COL24A1: variants seen among roughly 807,000 people sequenced by gnomAD.
COL24A1 encodes the protein collagen alpha-1(XXIV) chain.
In COL24A1, 224 loss-of-function variants were observed where a neutral mutation model predicts 253.9. That is an observed-to-expected ratio of 0.88 (90% CI 0.79 to 0.99). COL24A1 has a LOEUF of 0.99. Among genes scored for constraint, COL24A1 ranks in the 50% least tolerant of loss-of-function variants. The pLI is 0.00. For synonymous variants in COL24A1, 685 were observed against 673.7 expected, an observed-to-expected ratio of 1.02 and a Z score of -0.26; for missense variants, 2,131 against 2,068.5, an observed-to-expected ratio of 1.03 and a Z score of -0.59.
chr1:85,993,832 A>C (rs2100988278), intron 19 of COL24A1, among the ~76,000 whole-genome samples: 1 of 152,176 alleles, frequency 6.6e-6, no homozygotes, highest in East Asian at 1.9e-4. Flanking sequence ...CTTTAGAGAG[A>C]ATATATAATA....
intron 5 of COL24A1, among the ~76,000 whole-genome samples, chr1:86,105,953 C>T (rs1285241502): frequency 1.3e-5 from 2 of 152,186 alleles, no homozygotes; most frequent in African/African-American, 2.4e-5. Flanking sequence ...TTCCCTCTGT[C>T]CACTCTCAGT....
At chr1:85,762,590 A>C (rs1003546621) in intron 53 of COL24A1, among the ~76,000 whole-genome samples, 1 of 152,222 alleles carries the variant, frequency 6.6e-6, no homozygotes, top group South Asian at 2.1e-4. Context: ...TCATCCATTC[A>C]TTTAATTATC....
intron 47 of COL24A1, among the ~76,000 whole-genome samples, chr1:85,792,121 C>T (rs1280272002): frequency 6.6e-6 from 1 of 151,992 alleles, no homozygotes; most frequent in Non-Finnish European, 1.5e-5. Flanking sequence ...TTGCTTCCTG[C>T]AAATACTAAA....
At chr1:85,899,848 A>C (rs950719142) in intron 28 of COL24A1, among the ~76,000 whole-genome samples, 6 of 152,130 alleles carry the variant, frequency 3.9e-5, no homozygotes, top group African/African-American at 1.4e-4. Context: ...ACTTTTTAAG[A>C]TGAAGAAACT....
rs748759876 is a variant in COL24A1, at chr1:85,786,354, C to T, written c.4059G>A (p.Lys1353=). The T allele has an allele frequency of 6.2e-7, 1 of 1,613,280 alleles. No individual in the cohort carries two copies. The highest frequency in any genetic ancestry group is 8.5e-7 in the Non-Finnish European group (1 of 1,179,472). Residue 1353 remains lysine (K), a splice_region_variant and synonymous_variant, in exon 48 of 60, where the codon AAG becomes AAA. Transcript: ENST00000370571. ...LPGSPGIQGP[K]GEQGLPGQPG... ...CCATTGGAACAAAATATTAAAGTACCTTTGGGCCTTGAATTCCTGGGCTTC... is the reference window on the plus strand; with the variant it reads ...CCATTGGAACAAAATATTAAAGTACTTTTGGGCCTTGAATTCCTGGGCTTC...
intron 5 of COL24A1, among the ~76,000 whole-genome samples, chr1:86,096,735 C>T (rs968673686): frequency 6.6e-5 from 10 of 152,050 alleles, no homozygotes; most frequent in African/African-American, 9.7e-5. Context: ...GCCTAACAGC[C>T]GAATGTGACT....
intron 24 of COL24A1, among the ~76,000 whole-genome samples, chr1:85,941,263 G>A (rs1688731239): frequency 1.3e-5 from 2 of 151,926 alleles, no homozygotes; most frequent in African/African-American, 2.4e-5. Flanking sequence ...TGTTTTCTGA[G>A]GATTATATCT....
intron 5 of COL24A1, among the ~76,000 whole-genome samples, chr1:86,093,529 T>C (rs1703663840): frequency 6.6e-6 from 1 of 151,964 alleles, no homozygotes; most frequent in South Asian, 2.1e-4. Flanking sequence ...CCCAAAACTA[T>C]AAAAACCATG....
At chr1:85,869,426 A>C (rs1680165019) in intron 35 of COL24A1, among the ~76,000 whole-genome samples, 1 of 152,170 alleles carries the variant, frequency 6.6e-6, no homozygotes, top group South Asian at 2.1e-4. Flanking sequence ...AGAAGGAAAA[A>C]ATGTTAAGGG....
At chr1:85,878,376 C>T (rs988445425) in intron 32 of COL24A1, among the ~76,000 whole-genome samples, 1 of 152,190 alleles carries the variant, frequency 6.6e-6, no homozygotes, top group Non-Finnish European at 1.5e-5. Context: ...TACTCCCAAT[C>T]ATGAGGGCAC....
At chr1:86,005,305 T>G (rs186555438) in intron 19 of COL24A1, among the ~76,000 whole-genome samples, 1 of 152,052 alleles carries the variant, frequency 6.6e-6, no homozygotes, top group Admixed American at 6.5e-5. Context: ...AAGAAGACAT[T>G]GAACATTCAC....
At chr1:86,077,997 AAAAAG>A (rs1702376545) in intron 7 of COL24A1, among the ~76,000 whole-genome samples, 1 of 152,202 alleles carries the variant, frequency 6.6e-6, no homozygotes, top group Non-Finnish European at 1.5e-5. Context: ...AAAAAATTAA[AAAAAG>A]AAAACTGCAG....
chr1:85,969,314 C>G (rs897156443), intron 22 of COL24A1, among the ~76,000 whole-genome samples: 1 of 151,650 alleles, frequency 6.6e-6, no homozygotes, highest in Non-Finnish European at 1.5e-5. Flanking sequence ...TTTTAAGAAC[C>G]AGTACTTTGG....
intron 24 of COL24A1, among the ~76,000 whole-genome samples, chr1:85,945,009 T>G (rs1169517330): frequency 2.9e-5 from 2 of 69,718 alleles, no homozygotes; most frequent in African/African-American, 5.9e-5. Flanking sequence ...TGTGTTTTTT[T>G]TTTTTTTTTT....
chr1:86,129,919 CTTGT>C (rs1365476327), intron 2 of COL24A1, among the ~76,000 whole-genome samples: 4 of 151,738 alleles, frequency 2.6e-5, no homozygotes, highest in Admixed American at 1.3e-4. Flanking sequence ...CCTCTATATT[CTTGT>C]TTATTTTTGT....
chr1:86,069,759 G>T (rs1222134472), intron 7 of COL24A1, among the ~76,000 whole-genome samples: 1 of 152,178 alleles, frequency 6.6e-6, no homozygotes, highest in African/African-American at 2.4e-5. Flanking sequence ...CAGATTTTAT[G>T]TAAGACCACC....
intron 45 of COL24A1, among the ~76,000 whole-genome samples, chr1:85,818,946 C>T (rs573557186): frequency 6.6e-6 from 1 of 152,252 alleles, no homozygotes; most frequent in African/African-American, 2.4e-5. Flanking sequence ...AACAAAGAAA[C>T]AACTTCAAAA....
At chr1:85,738,024 CAG>C (rs1254383471) in intron 57 of COL24A1, among the ~76,000 whole-genome samples, 2 of 152,084 alleles carry the variant, frequency 1.3e-5, no homozygotes, top group Non-Finnish European at 2.9e-5. Flanking sequence ...CTATCAATTT[CAG>C]AGTGTTTCAT....
Position 85,875,261 on chromosome 1 carries a change from T to G in COL24A1, c.3084+16A>C, listed in dbSNP as rs1198990025. 5.6e-6 allele frequency: 9 copies of G among 1,610,878 alleles called. No individual in the cohort carries two copies. The highest frequency in any genetic ancestry group is 7.6e-6 in the Non-Finnish European group (9 of 1,177,252). On this transcript the variant is annotated intron_variant, in intron 34 of 59. Coordinates refer to ENST00000370571, the MANE Select transcript of COL24A1 (RefSeq NM_152890.7). ...GTGAAAGTTTAGAGATTCTCCTTTA[T>G]TTTTTAGAAGGTTACCTTTGCACCT...
Sources: allele counts gnomAD v4.1 joint callset (sites outside exome capture counted in the v4.1 genomes callset), GRCh38; gene constraint gnomAD v4.1.1; transcripts MANE v1.5; gene names NCBI Gene and HGNC (gene_info 2026-07-23, HGNC 2026-07-21).